NCAPD2: variants seen among roughly 807,000 people sequenced by gnomAD.
NCAPD2 encodes the protein non-SMC condensin I complex subunit D2.
In NCAPD2, 100 loss-of-function variants were observed where a neutral mutation model predicts 164.5. The ratio of observed to expected loss-of-function variants is 0.61; its 90% confidence interval spans 0.52 to 0.72. NCAPD2 has a LOEUF of 0.72. NCAPD2 is among the 30% of genes least tolerant of loss of function. The probability of loss-of-function intolerance (pLI) is 0.00; values close to 1 mark genes in which losing one functional copy is unlikely to be tolerated. For synonymous variants in NCAPD2, 585 were observed against 642.6 expected (o/e 0.91, Z 1.36); for missense variants, 1,560 against 1,749.2 (o/e 0.89, Z 1.93).
intron 6 of NCAPD2, among the ~76,000 whole-genome samples, chr12:6,511,826 A>T (rs544794761): frequency 6.6e-6 from 1 of 151,540 alleles, no homozygotes; most frequent in Non-Finnish European, 1.5e-5. Flanking sequence ...TACTAAAAAA[A>T]TATGAAAATT....
At chr12:6,512,296 T>C (rs764657549) in intron 6 of NCAPD2, among the ~76,000 whole-genome samples, 1 of 126,304 alleles carries the variant, frequency 7.9e-6, no homozygotes, top group East Asian at 2.2e-4. Flanking sequence ...AAAAAAAAGA[T>C]AGATAGATAG....
chr12:6,504,636 T>C (rs996055102), intron 2 of NCAPD2, among the ~76,000 whole-genome samples: 31 of 151,980 alleles, frequency 2.0e-4, no homozygotes, highest in Non-Finnish European at 4.1e-4. Context: ...AAGTGATCTG[T>C]CCACCTCGGC....
rs1474161157 is a variant in NCAPD2, at chr12:6,525,579, T to G, written c.2215-4T>G. The G allele has an allele frequency of 6.2e-7, 1 of 1,604,424 alleles. No homozygotes were observed. ...GGCTTGAGCCCTTTTTCTTTTCTCT[T>G]TAGCTCTGTGAGTTTGTGCAGAAGG... On this transcript the variant is annotated splice_polypyrimidine_tract_variant and splice_region_variant and intron_variant, in intron 17 of 31. Coordinates refer to ENST00000315579, the MANE Select transcript of NCAPD2 (RefSeq NM_014865.4).
chr12:6,519,091 C>T (rs1274539184), intron 13 of NCAPD2, among the ~76,000 whole-genome samples: 2 of 151,770 alleles, frequency 1.3e-5, no homozygotes, highest in Non-Finnish European at 2.9e-5. Context: ...GGGGTTTCAC[C>T]GTGTTAGCCA....
intron 21 of NCAPD2, 96 bp downstream of exon 21, chr12:6,526,711 T>A: frequency 6.7e-7 from 1 of 1,489,596 alleles, no homozygotes; most frequent in Non-Finnish European, 9.1e-7. Context: ...CAACAACCCT[T>A]AGTGTACACT....
intron 13 of NCAPD2, among the ~76,000 whole-genome samples, chr12:6,519,419 G>A (rs1946243943): frequency 6.6e-6 from 1 of 152,140 alleles, no homozygotes. Context: ...CGCAATCACA[G>A]CTCACTGCAG....
Position 6,528,797 on chromosome 12 carries a change from G to A in NCAPD2, c.3418G>A (p.Asp1140Asn), listed in dbSNP as rs756287772. The A allele has an allele frequency of 1.4e-5, 22 of 1,613,948 alleles. No homozygotes were observed. Among genetic ancestry groups the A allele is most frequent in the South Asian group, 8.8e-5 (8 of 91,080 alleles). ...QVSEMAVLLI[D>N]PEPQIAALAK... ...CAGCGAGATGGCGGTGCTGCTCATC[G>A]ACCCCGAGCCTCAGATTGCTGCCCT... The change falls in exon 26 of 32, where the codon GAC becomes AAC. Residue 1140 changes from aspartate to asparagine, a missense_variant. Coordinates refer to ENST00000315579, the MANE Select transcript of NCAPD2 (RefSeq NM_014865.4). This position sits in a 1 kb window ranked among gnomAD's most constrained non-coding sequence, Gnocchi z 5.1.
At chr12:6,497,696 T>G (rs1945996790) in intron 2 of NCAPD2, among the ~76,000 whole-genome samples, 1 of 152,106 alleles carries the variant, frequency 6.6e-6, no homozygotes, top group Non-Finnish European at 1.5e-5. Context: ...CTCAGCTCAC[T>G]GCAGCCTCCG....
intron 2 of NCAPD2, among the ~76,000 whole-genome samples, chr12:6,497,957 A>G (rs1169930889): frequency 7.3e-6 from 1 of 137,122 alleles, no homozygotes; most frequent in East Asian, 2.2e-4. Flanking sequence ...TTTTGGAGAC[A>G]AGGTCTCATT....
chr12:6,497,642 C>T (rs1349832894), intron 2 of NCAPD2, among the ~76,000 whole-genome samples: 1 of 2,744 alleles, frequency 3.6e-4, no homozygotes, highest in African/African-American at 5.7e-3. Context: ...GTTGTTGAGA[C>T]TGAGTCTCCT....
At chr12:6,522,484 G>T (rs1266938366) in intron 15 of NCAPD2, among the ~76,000 whole-genome samples, 1 of 151,988 alleles carries the variant, frequency 6.6e-6, no homozygotes, top group Non-Finnish European at 1.5e-5. Context: ...TACTCGGAAG[G>T]CTGGGCAGGA....
intron 3 of NCAPD2, 66 bp downstream of exon 3, chr12:6,509,858 T>C: frequency 6.5e-7 from 1 of 1,539,168 alleles, no homozygotes; most frequent in Non-Finnish European, 8.9e-7. Context: ...CTGTGCATGT[T>C]AGTCCTGAAA....
intron 5 of NCAPD2, 147 bp downstream of exon 5, chr12:6,510,957 T>C: frequency 7.8e-7 from 1 of 1,290,216 alleles, no homozygotes; most frequent in South Asian, 1.4e-5. Flanking sequence ...CACGTTTTCT[T>C]CCTGGACAAG....
Position 6,528,377 on chromosome 12 carries a change from C to T in NCAPD2, c.3299+49C>T, listed in dbSNP as rs1374484606. The T allele has an allele frequency of 2.5e-6, 4 of 1,607,520 alleles. No homozygotes were observed. The highest frequency in any genetic ancestry group is 2.7e-5 in the African/African-American group (2 of 74,722). On this transcript the variant is annotated intron_variant, in intron 25 of 31. Transcript: ENST00000315579. This position sits in a 1 kb window ranked among gnomAD's most constrained non-coding sequence, Gnocchi z 5.1. ...TGGCAGTTCCCAGGAGCCCCGGAGT[C>T]TGTTGAGAGTCAGTGTGAGAATCAC...
chr12:6,531,175 C>A lies in NCAPD2; in HGVS notation c.4120+99C>A. The A allele has an allele frequency of 6.6e-7, 1 of 1,517,478 alleles. No individual in the cohort carries two copies. Among genetic ancestry groups the A allele is most frequent in the Non-Finnish European group, 9.0e-7 (1 of 1,106,994 alleles). 94.0% of individuals were successfully genotyped at this position (1,517,478 alleles called of 1,614,324 possible). Reference sequence around the variant, plus strand: ...TGCTGCGGGGGCCTGAGTGTAGATGCTCTGCCCCACTGCCGCAGAAGGGCC... The same window carrying A: ...TGCTGCGGGGGCCTGAGTGTAGATGATCTGCCCCACTGCCGCAGAAGGGCC... On this transcript the variant is annotated intron_variant, in intron 31 of 31. Transcript: ENST00000315579. This position sits in a 1 kb window ranked among gnomAD's most constrained non-coding sequence, Gnocchi z 4.1.
Position 6,495,986 on chromosome 12 carries a change from A to G in NCAPD2, c.127+761A>G, listed in dbSNP as rs1450119759. ...AAGGGTTGGTTAATGCAGCAGCTCG[A>G]CAATATGGTCCTAGCTTGTCTCCTC... On this transcript the variant is annotated intron_variant, in intron 2 of 31. Coordinates refer to ENST00000315579, the MANE Select transcript of NCAPD2 (RefSeq NM_014865.4). Among the ~76,000 whole-genome samples, 2 of 152,142 alleles carry G rather than the reference A, an allele frequency of 1.3e-5. 1 individual carries two copies. Among genetic ancestry groups the G allele is most frequent in the Middle Eastern group, 6.4e-3 (2 of 314 alleles).
In NCAPD2 at chr12:6,528,876, T is replaced by G. The variant is rs1295306113; in HGVS notation, c.3477+20T>G. On this transcript the variant is annotated intron_variant, in intron 26 of 31. Coordinates refer to ENST00000315579, the MANE Select transcript of NCAPD2 (RefSeq NM_014865.4). The surrounding 1 kb of genome is among the most constrained non-coding windows in gnomAD (Gnocchi z 5.1). ...CACAAGGTGAGAGGCAGAGAGGCAC[T>G]GAGGGCTGGCTGCAGAGGGAATCTG... The G allele has an allele frequency of 1.9e-6, 3 of 1,612,972 alleles. No homozygotes were observed. The highest frequency in any genetic ancestry group is 1.3e-5 in the African/African-American group (1 of 74,918).
At position 6,517,006 on chromosome 12, in the gene NCAPD2, C is replaced by G. The variant is rs576859525; in HGVS notation, c.1166C>G (p.Thr389Ser). 1.2e-6 allele frequency: 2 copies of G among 1,614,106 alleles called. No homozygotes were observed. Among genetic ancestry groups the G allele is most frequent in the Non-Finnish European group, 1.7e-6 (2 of 1,180,024 alleles). Residue 389 changes from threonine (T) to serine (S), a missense_variant, in exon 10 of 32, where the codon ACC (threonine) becomes AGC (serine). Coordinates refer to ENST00000315579, the MANE Select transcript of NCAPD2 (RefSeq NM_014865.4). ...CGGAGCCGTGTTTTGCAGCTCTTCA[C>G]CCGAATTGTCCAGCAGAAGGTAACC... Reference protein sequence around the residue: ...FVRSRVLQLFTRIVQQKALPL... With the variant: ...FVRSRVLQLFSRIVQQKALPL...
At chr12:6,510,225 A>T in intron 4 of NCAPD2, 92 bp downstream of exon 4, 3 of 1,313,412 alleles carry the variant, frequency 2.3e-6, no homozygotes, top group Non-Finnish European at 3.3e-6. Flanking sequence ...TTTGTCAGCC[A>T]CATGATGATA....
Sources: allele counts gnomAD v4.1 joint callset (sites outside exome capture counted in the v4.1 genomes callset), GRCh38; gene constraint gnomAD v4.1.1; non-coding constraint Gnocchi (gnomAD v3.1); transcripts MANE v1.5; gene names NCBI Gene and HGNC (gene_info 2026-07-23, HGNC 2026-07-21).